ADGRD1: variants seen among roughly 807,000 people sequenced by gnomAD.
ADGRD1 encodes the protein adhesion G protein-coupled receptor D1.
ADGRD1 carries 77 observed loss-of-function variants against 113.4 expected under a neutral mutation model. The observed-to-expected ratio is 0.68, with a 90% confidence interval of 0.57 to 0.82. ADGRD1 has a LOEUF of 0.82. Among genes scored for constraint, ADGRD1 ranks in the 40% least tolerant of loss-of-function variants. The probability of loss-of-function intolerance (pLI) is 0.00; values close to 1 mark genes in which losing one functional copy is unlikely to be tolerated. For synonymous variants in ADGRD1, 474 were observed against 475.0 expected (o/e 1.00, Z 0.03); for missense variants, 1,036 against 1,139.1 (o/e 0.91, Z 1.30).
rs567102541 is a variant in ADGRD1, at chr12:130,962,589, A to G, written c.104-3874A>G. The G allele has an allele frequency of 4.6e-5, 7 of 152,354 alleles. No individual in the cohort carries two copies. The South Asian group carries it at 1.4e-3, about 32-fold the overall frequency. The allele number at this position is 152,354 out of a possible 1,614,324, so 9.4% of individuals were successfully genotyped here. A position where few individuals can be genotyped will look rare whatever the true frequency, so the allele number is the denominator to read the frequency against. ...GAAAAAAAGCACAGTGGGAATGAAA[A>G]TGAATCTTTTTGATTTTTGCATTTC... On this transcript the variant is annotated intron_variant, in intron 2 of 24. Transcript: ENST00000261654.
intron 2 of ADGRD1, among the ~76,000 whole-genome samples, chr12:130,955,140 T>TTTTTTTTTTG: frequency 6.8e-6 from 1 of 147,082 alleles, no homozygotes; most frequent in South Asian, 2.2e-4. Flanking sequence ...TTTTTTTGTA[T>TTTTTTTTTTG]TTTTAGTAGA....
Position 131,111,940 on chromosome 12 carries a change from T to C in ADGRD1, c.2041+3063T>C, listed in dbSNP as rs914403871. Among the ~76,000 whole-genome samples, 3 of 152,340 alleles carry C rather than the reference T, an allele frequency of 2.0e-5. No individual in the cohort carries two copies. In the South Asian group the frequency reaches 6.2e-4, roughly 32 times the overall value. ...TGATAAATACGACAACTGAGCCTTC[T>C]CACAGGCAGTTTCCATTGCCTGGAT... On this transcript the variant is annotated intron_variant, in intron 18 of 24. Transcript: ENST00000261654.
rs1264466026 is a variant in ADGRD1, at chr12:131,131,786, A to G, written c.2237A>G (p.Tyr746Cys). 2 of 1,613,182 alleles carry G rather than the reference A, an allele frequency of 1.2e-6. No homozygotes were observed. The highest frequency in any genetic ancestry group is 1.7e-6 in the Non-Finnish European group (2 of 1,179,412). ...ATCTCACAGATCAGCGCCGACAACT[A>G]CAAGATCCATGGAGACCCCAGTGCC... ...RVISQISADNYKIHGDPSAFK... is the reference protein window; with the variant it reads ...RVISQISADNCKIHGDPSAFK... The change falls in exon 21 of 25, where the codon TAC becomes TGC. Residue 746 changes from tyrosine to cysteine, a missense_variant. Tyr to Cys is a radical substitution (Grantham distance 194). Coordinates refer to ENST00000261654, the MANE Select transcript of ADGRD1 (RefSeq NM_198827.5).
intron 3 of ADGRD1, chr12:130,968,287 C>A (rs985860853): frequency 1.3e-5 from 2 of 152,310 alleles, no homozygotes. Flanking sequence ...ATATTGACTT[C>A]CAGTAAAGCA....
rs529274019 is a variant in ADGRD1 at position 131,081,755 on chromosome 12, A to G, written c.1548-2785A>G. ...CACTTATTCCACTTCCAGCTGTTCT[A>G]TTTCTTTGTGTAGATTTTTGTCTAG... On this transcript the variant is annotated intron_variant, in intron 14 of 24. Transcript: ENST00000261654. Among the ~76,000 whole-genome samples the G allele has an allele frequency of 1.8e-4, 28 of 152,138 alleles. No individual in the cohort carries two copies. In the South Asian group the frequency reaches 5.8e-3, roughly 32 times the overall value.
chr12:131,088,754 G>T (rs1229262640), intron 15 of ADGRD1, among the ~76,000 whole-genome samples: 2 of 152,186 alleles, frequency 1.3e-5, no homozygotes, highest in African/African-American at 4.8e-5. Context: ...GGGTGGAGGG[G>T]CACGAGTCCC....
At chr12:131,025,273 C>T (rs1165405217) in intron 13 of ADGRD1, among the ~76,000 whole-genome samples, 1 of 152,186 alleles carries the variant, frequency 6.6e-6, no homozygotes, top group Non-Finnish European at 1.5e-5. Flanking sequence ...GCCAAGCGTT[C>T]TCTAGGGTTT....
In ADGRD1 at chr12:130,965,496, A is replaced by T. The variant is rs1870906129; in HGVS notation, c.104-967A>T. On this transcript the variant is annotated intron_variant, in intron 2 of 24. Coordinates refer to ENST00000261654, the MANE Select transcript of ADGRD1 (RefSeq NM_198827.5). The surrounding 1 kb of genome is among the most constrained non-coding windows in gnomAD (Gnocchi z 4.8). ...TTTAGTCATCTGAACCATTATTTCC[A>T]CTTCTGTGAATGAATCCCAGAGGAC... Among the ~76,000 whole-genome samples the T allele has an allele frequency of 6.6e-6, 1 of 152,132 alleles. No individual in the cohort carries two copies.
intron 9 of ADGRD1, chr12:131,002,870 C>G: frequency 8.4e-7 from 1 of 1,190,284 alleles, no homozygotes. Flanking sequence ...GCTGAGGGTC[C>G]CTCTGTGAGT....
intron 12 of ADGRD1, among the ~76,000 whole-genome samples, chr12:131,010,197 A>G (rs374919445): frequency 7.4e-4 from 113 of 152,282 alleles, no homozygotes; most frequent in African/African-American, 2.6e-3. Flanking sequence ...GCCATGTGCC[A>G]CCTTGTTGGC....
At position 130,982,378 on chromosome 12, in the gene ADGRD1, A is replaced by G. The variant is rs117166091; in HGVS notation, c.490+315A>G. Among the ~76,000 whole-genome samples, 4 of 152,302 alleles carry G rather than the reference A, an allele frequency of 2.6e-5. No individual in the cohort carries two copies. In the East Asian group the frequency reaches 7.7e-4, roughly 29 times the overall value. On this transcript the variant is annotated intron_variant, in intron 5 of 24. Transcript: ENST00000261654. ...TGTGCAGATGATATTGACAGTACTT[A>G]CCTCACGGTTTCCAGGACATTAAGC...
intron 2 of ADGRD1, among the ~76,000 whole-genome samples, chr12:130,961,179 GGAA>G (rs958424785): frequency 6.6e-6 from 1 of 152,148 alleles, no homozygotes; most frequent in East Asian, 1.9e-4. Context: ...TAACAGGGAA[GGAA>G]GAAGAATAGG....
Position 130,971,676 on chromosome 12 carries a change from C to A in ADGRD1, c.310+96C>A. The A allele has an allele frequency of 7.5e-7, 1 of 1,326,292 alleles. No homozygotes were observed. Among genetic ancestry groups the A allele is most frequent in the Non-Finnish European group, 1.0e-6 (1 of 969,954 alleles). 82.2% of individuals were successfully genotyped at this position (1,326,292 alleles called of 1,614,324 possible). A position where few individuals can be genotyped will look rare whatever the true frequency, so the allele number is the denominator to read the frequency against. On this transcript the variant is annotated intron_variant, in intron 4 of 24. Transcript: ENST00000261654. The surrounding 1 kb of genome is among the most constrained non-coding windows in gnomAD (Gnocchi z 4.2). ...CTGGAAGATGTGAACCTGAGGTTCT[C>A]ATCAATTGCAGAATGCGTGAGAATG...
At chr12:131,100,802 C>T (rs1053614182) in intron 15 of ADGRD1, among the ~76,000 whole-genome samples, 2 of 152,138 alleles carry the variant, frequency 1.3e-5, no homozygotes, top group Admixed American at 6.5e-5. Flanking sequence ...CAGTGTGCAG[C>T]GAACTCTCAT....
At chr12:131,077,603 G>A (rs751292918) in intron 14 of ADGRD1, among the ~76,000 whole-genome samples, 3 of 152,248 alleles carry the variant, frequency 2.0e-5, no homozygotes, top group Admixed American at 6.5e-5. Flanking sequence ...CCGCAGGGCC[G>A]GGGAGTGGAG....
intron 13 of ADGRD1, among the ~76,000 whole-genome samples, chr12:131,017,478 CCACA>C (rs1354319304): frequency 2.1e-5 from 3 of 140,560 alleles, no homozygotes; most frequent in South Asian, 2.4e-4. Context: ...CACACCCAGT[CCACA>C]CACAATCAGT....
intron 5 of ADGRD1, among the ~76,000 whole-genome samples, chr12:130,985,077 G>A (rs192109213): frequency 2.7e-5 from 4 of 150,042 alleles, no homozygotes; most frequent in Non-Finnish European, 4.4e-5. Context: ...TGGGATTACC[G>A]GCATGTGCCA....
At position 130,980,166 on chromosome 12, in the gene ADGRD1, A is replaced by G. The variant is rs1442119770; in HGVS notation, c.311-1718A>G. On this transcript the variant is annotated intron_variant, in intron 4 of 24. Transcript: ENST00000261654. ...GTCGCCCAGGCTGGAGTGCAGTGGC[A>G]CAATCTCGGCTCACTGCAAGCTCTG... is the stretch of plus-strand genomic sequence containing the variant. 1.7e-4 allele frequency among the ~76,000 whole-genome samples: 26 copies of G among 149,674 alleles called. No individual in the cohort carries two copies. In the East Asian group the frequency reaches 3.4e-3, roughly 19 times the overall value.
At chr12:131,011,899 G>A (rs556206008) in intron 12 of ADGRD1, among the ~76,000 whole-genome samples, 4 of 152,334 alleles carry the variant, frequency 2.6e-5, no homozygotes, top group East Asian at 1.9e-4. Flanking sequence ...TTGGAGTCGC[G>A]TGCGGGGCGG....
Sources: gnomAD v4.1 joint callset for allele counts (sites outside exome capture counted in the v4.1 genomes callset) on GRCh38, gnomAD v4.1.1 for gene constraint, Gnocchi (gnomAD v3.1) non-coding constraint, MANE v1.5 for transcripts, NCBI Gene and HGNC (gene_info 2026-07-23, HGNC 2026-07-21) for gene names.